Variants in DAAM2 observed in about 807,000 individuals in gnomAD.
DAAM2 encodes disheveled-associated activator of morphogenesis 2.
In DAAM2, 39 loss-of-function variants were observed where a neutral mutation model predicts 120.7. The ratio of observed to expected loss-of-function variants is 0.32; its 90% CI spans 0.25 to 0.42. DAAM2 has a LOEUF of 0.42. Ranked by LOEUF, DAAM2 falls within the 10% of genes least tolerant of loss-of-function variation. DAAM2 has a pLI of 1.00. For synonymous variants in DAAM2, 488 were observed against 524.9 expected, an observed-to-expected ratio of 0.93 and a Z score of 0.96; for missense variants, 1,283 against 1,401.7, an observed-to-expected ratio of 0.92 and a Z score of 1.35.
intron 3 of DAAM2, 173 bp downstream of exon 3, chr6:39,861,190 C>T (rs1217716937): frequency 1.4e-6 from 1 of 692,072 alleles, no homozygotes; most frequent in Admixed American, 2.0e-5. Flanking sequence ...TGTCCTGGAG[C>T]TTACACTCAA....
At position 39,879,144 on chromosome 6, in the gene DAAM2, G is replaced by C. The variant is rs1765001686; in HGVS notation, c.1546-34G>C. On this transcript the variant is annotated intron_variant, in intron 13 of 24. Coordinates refer to ENST00000274867, the MANE Select transcript of DAAM2 (RefSeq NM_001201427.2). ...GACCTGAATGGCAACGGTGCTGATG[G>C]CTTTGTCCTTGCAATTTTTCTGTTT... 5 of 1,434,548 alleles carry C rather than the reference G, an allele frequency of 3.5e-6. No individual in the cohort carries two copies. In the South Asian group the frequency reaches 6.7e-5, roughly 19 times the overall value. The allele number at this position is 1,434,548 out of a possible 1,614,324, so 88.9% of individuals were successfully genotyped here.
intron 2 of DAAM2, among the ~76,000 whole-genome samples, chr6:39,857,379 T>A (rs1331837113): frequency 6.6e-6 from 1 of 152,240 alleles, no homozygotes; most frequent in East Asian, 1.9e-4. Flanking sequence ...ATATACCTGG[T>A]TAAGCCAATC....
rs141829948 is a variant in DAAM2, at chr6:39,829,118, C to T, written c.-56-27129C>T. Among the ~76,000 whole-genome samples, 890 of 152,268 alleles carry T rather than the reference C, an allele frequency of 5.8e-3. 7 individuals are homozygous for T. The highest frequency in any genetic ancestry group is 0.021 in the African/African-American group (858 of 41,540). On this transcript the variant is annotated intron_variant, in intron 1 of 24. Coordinates refer to ENST00000274867, the MANE Select transcript of DAAM2 (RefSeq NM_001201427.2). ...AATGGTTACTGTTTGGATAATTCACCCAGGGACCAGCTTCACGGGATGCTG... is the reference window on the plus strand; with the variant it reads ...AATGGTTACTGTTTGGATAATTCACTCAGGGACCAGCTTCACGGGATGCTG...
At position 39,904,500 on chromosome 6, in the gene DAAM2, C is replaced by T. The variant is rs193217053; in HGVS notation, c.*2463C>T. On this transcript the variant is annotated 3_prime_UTR_variant, in exon 25 of 25. Coordinates refer to ENST00000274867, the MANE Select transcript of DAAM2 (RefSeq NM_001201427.2). ...GCCACCTTTAGATAAGTTTCTCTAG[C>T]TAATTTTGTGGCCAATGTAAAATTC... 37 of 454,404 alleles carry T rather than the reference C, an allele frequency of 8.1e-5. No homozygotes were observed. The highest frequency in any genetic ancestry group is 7.0e-4 in the African/African-American group (35 of 50,126). The allele number at this position is 454,404 out of a possible 1,614,324, so 28.1% of individuals were successfully genotyped here. A position where few individuals can be genotyped will look rare whatever the true frequency, so the allele number is the denominator to read the frequency against.
At position 39,841,430 on chromosome 6, in the gene DAAM2, G is replaced by A. The variant is rs140749464; in HGVS notation, c.-56-14817G>A. ...GGAAAGGTGGGGGAGGGCCTCCAGA[G>A]GGAGGGCCTCTACATGGAGGGATTC... On this transcript the variant is annotated intron_variant, in intron 1 of 24. Transcript: ENST00000274867. 9.2e-3 allele frequency among the ~76,000 whole-genome samples: 1,396 copies of A among 152,058 alleles called. 13 individuals are homozygous for A. Among genetic ancestry groups the A allele is most frequent in the Middle Eastern group, 0.041 (12 of 294 alleles).
chr6:39,845,103 A>T (rs1763512191), intron 1 of DAAM2, among the ~76,000 whole-genome samples: 1 of 149,380 alleles, frequency 6.7e-6, no homozygotes, highest in African/African-American at 2.5e-5. Flanking sequence ...TATACCATAC[A>T]CACATACCAC....
intron 1 of DAAM2, among the ~76,000 whole-genome samples, chr6:39,823,941 A>G (rs2114148014): frequency 6.6e-6 from 1 of 151,822 alleles, no homozygotes; most frequent in East Asian, 1.9e-4. Context: ...CTTTTGAATG[A>G]TGCTCCATTG....
intron 1 of DAAM2, among the ~76,000 whole-genome samples, chr6:39,801,814 G>A (rs1338447331): frequency 6.6e-6 from 1 of 152,210 alleles, no homozygotes; most frequent in African/African-American, 2.4e-5. Context: ...CGGGGGGTCA[G>A]TGTTAACACT....
At chr6:39,861,464 G>T in intron 3 of DAAM2, 1 of 300,728 alleles carries the variant, frequency 3.3e-6, no homozygotes, top group East Asian at 7.9e-5. Flanking sequence ...GTTCTCCTCA[G>T]CATATCCTCC....
rs114763045 is a variant in DAAM2 at position 39,886,331 on chromosome 6, C to T, written c.1954-1155C>T. 2.9e-3 allele frequency: 1,169 copies of T among 398,834 alleles called. 4 individuals carry two copies. The highest frequency in any genetic ancestry group is 4.6e-3 in the Non-Finnish European group (1,039 of 226,068). 24.7% of individuals were successfully genotyped at this position (398,834 alleles called of 1,614,324 possible). ...TGGACAGTGTAGATGCTGAGGGATCCCTGTGTCTGTCATGCTATTTCTGGG... is the reference window on the plus strand; with the variant it reads ...TGGACAGTGTAGATGCTGAGGGATCTCTGTGTCTGTCATGCTATTTCTGGG... On this transcript the variant is annotated intron_variant, in intron 15 of 24. Transcript: ENST00000274867.
At chr6:39,891,271 C>A in intron 17 of DAAM2, 70 bp from the exon 18 acceptor site, 1 of 1,244,394 alleles carries the variant, frequency 8.0e-7, no homozygotes, top group Non-Finnish European at 1.2e-6. Context: ...GTCAGTACAG[C>A]TTCTCACACC....
At chr6:39,879,762 C>A in intron 14 of DAAM2, 1 of 537,416 alleles carries the variant, frequency 1.9e-6, no homozygotes, top group Non-Finnish European at 3.4e-6. Flanking sequence ...ACAGCCAAGA[C>A]AAACACTGAG....
intron 1 of DAAM2, among the ~76,000 whole-genome samples, chr6:39,827,539 T>C (rs1236609117): frequency 6.6e-6 from 1 of 152,128 alleles, no homozygotes; most frequent in African/African-American, 2.4e-5. Flanking sequence ...TGGCCCTCAC[T>C]CACGCCTTGG....
chr6:39,901,073 C>T lies in DAAM2; in HGVS notation c.2812-229C>T, dbSNP rs1004863876. Among the ~76,000 whole-genome samples the T allele has an allele frequency of 6.6e-6, 1 of 152,204 alleles. No homozygotes were observed. The highest frequency in any genetic ancestry group is 2.4e-5 in the African/African-American group (1 of 41,548). On this transcript the variant is annotated intron_variant, in intron 23 of 24. Coordinates refer to ENST00000274867, the MANE Select transcript of DAAM2 (RefSeq NM_001201427.2). This position sits in a 1 kb window ranked among gnomAD's most constrained non-coding sequence, Gnocchi z 4.5. ...CTACCCCTTACAGGCCCAGGGGTGG[C>T]TCTAAGGTGGACTGAGTGAGCCCAA...
chr6:39,904,548 C>T lies in DAAM2; in HGVS notation c.*2511C>T, dbSNP rs1311431387. Reference sequence around the variant, plus strand: ...TTCGTCATCAACCTAACAAACACAACCTTCTCAGCAGCATTTCTCCCCTGT... The same window carrying T: ...TTCGTCATCAACCTAACAAACACAATCTTCTCAGCAGCATTTCTCCCCTGT... On this transcript the variant is annotated 3_prime_UTR_variant, in exon 25 of 25. Coordinates refer to ENST00000274867, the MANE Select transcript of DAAM2 (RefSeq NM_001201427.2). The T allele has an allele frequency of 2.2e-6, 1 of 454,030 alleles. No individual in the cohort carries two copies. The highest frequency in any genetic ancestry group is 4.4e-6 in the Non-Finnish European group (1 of 226,966). The allele number at this position is 454,030 out of a possible 1,614,324, so 28.1% of individuals were successfully genotyped here.
At position 39,868,819 on chromosome 6, in the gene DAAM2, C is replaced by T; in HGVS notation, c.763-4C>T. 1 of 1,569,912 alleles carries T rather than the reference C, an allele frequency of 6.4e-7. No individual in the cohort carries two copies. The highest frequency in any genetic ancestry group is 8.6e-7 in the Non-Finnish European group (1 of 1,157,296). On this transcript the variant is annotated splice_polypyrimidine_tract_variant and splice_region_variant and intron_variant, in intron 6 of 24. Transcript: ENST00000274867. ...CTCCTGCTCTGTCCTGCATTTCCAC[C>T]TAGACCCTGCTGAACGAGCTAGACC... is the stretch of plus-strand genomic sequence containing the variant.
rs1197049403 is a variant in DAAM2, at chr6:39,864,994, C to T, written c.348C>T (p.Tyr116=). 13 of 1,604,682 alleles carry T rather than the reference C, an allele frequency of 8.1e-6. No individual in the cohort carries two copies. The highest frequency in any genetic ancestry group is 2.3e-5 in the South Asian group (2 of 88,524). ...CTGGCCCTCAGATGCAGAGTCTGTA[C>T]GCGTTTGATGAGGAGGAGACGGAGA... ...INSMAAMQSL[Y]AFDEEETEMR... is the part of the protein sequence containing the mutation. Residue 116 remains tyrosine (Y), a synonymous_variant, in exon 5 of 25, where the codon TAC becomes TAT. Coordinates refer to ENST00000274867, the MANE Select transcript of DAAM2 (RefSeq NM_001201427.2).
intron 3 of DAAM2, chr6:39,861,742 C>A (rs970740551): frequency 6.5e-6 from 1 of 154,536 alleles, no homozygotes; most frequent in African/African-American, 2.4e-5. Flanking sequence ...CCTCCTCTCC[C>A]CTCCACCCTC....
chr6:39,864,893 G>A (rs1380053136), intron 4 of DAAM2, 87 bp from the exon 5 acceptor site: 1 of 1,517,006 alleles, frequency 6.6e-7, no homozygotes, highest in Non-Finnish European at 8.9e-7. Flanking sequence ...CACCCTTTCT[G>A]AGGCAAGCAT....
Sources: gnomAD v4.1 joint callset for allele counts (sites outside exome capture counted in the v4.1 genomes callset) on GRCh38, gnomAD v4.1.1 for gene constraint, Gnocchi (gnomAD v3.1) non-coding constraint, MANE v1.5 for transcripts, NCBI Gene and HGNC (gene_info 2026-07-23, HGNC 2026-07-21) for gene names.